Variants in STAU2 observed in about 807,000 individuals in gnomAD.
The protein encoded by STAU2 is double-stranded RNA-binding protein Staufen homolog 2.
Under a neutral mutation model 65.9 loss-of-function variants are expected in STAU2, and 20 were observed. The observed-to-expected ratio is 0.30, with a 90% CI of 0.21 to 0.44. The LOEUF (loss-of-function observed/expected upper bound fraction) is 0.44, where lower values mean the gene tolerates loss of function less well. Ranked by LOEUF, STAU2 falls within the 20% of genes least tolerant of loss-of-function variation. The probability of loss-of-function intolerance (pLI) is 1.00; values close to 1 mark genes in which losing one functional copy is unlikely to be tolerated. For missense variants in STAU2, 558 were observed against 683.9 expected (o/e 0.82, Z 2.05); for synonymous variants, 232 against 233.9 (o/e 0.99, Z 0.07).
chr8:73,471,362 T>A (rs1367575186), intron 13 of STAU2, among the ~76,000 whole-genome samples: 2 of 151,404 alleles, frequency 1.3e-5, no homozygotes, highest in Non-Finnish European at 2.9e-5. Context: ...TTTTTATTTT[T>A]TTTTTAGTAA....
intron 6 of STAU2, chr8:73,651,175 G>A (rs1051957885): frequency 9.0e-5 from 99 of 1,101,640 alleles, no homozygotes; most frequent in Middle Eastern, 7.9e-4. Context: ...ATCGGGCCCC[G>A]AGGAGCCCCC....
intron 14 of STAU2, among the ~76,000 whole-genome samples, chr8:73,422,412 G>A (rs1036789379): frequency 1.3e-5 from 2 of 152,054 alleles, no homozygotes; most frequent in East Asian, 1.9e-4. Flanking sequence ...CCAATTAGTA[G>A]GTTAAAACTT....
At chr8:73,687,310 A>AAATTAT (rs1370881654) in intron 5 of STAU2, among the ~76,000 whole-genome samples, 1 of 118,652 alleles carries the variant, frequency 8.4e-6, no homozygotes. Context: ...TTATAAATAT[A>AAATTAT]ATTTATATTT....
chr8:73,600,167 T>C (rs1443630492), intron 10 of STAU2, among the ~76,000 whole-genome samples: 1 of 152,062 alleles, frequency 6.6e-6, no homozygotes, highest in Non-Finnish European at 1.5e-5. Context: ...ACATAAACAA[T>C]GTACAAATGA....
intron 13 of STAU2, among the ~76,000 whole-genome samples, chr8:73,450,820 C>T (rs550632885): frequency 1.1e-4 from 16 of 152,258 alleles, no homozygotes; most frequent in African/African-American, 3.9e-4. Flanking sequence ...GCTGTTTTTG[C>T]TCCAAGCTGA....
rs541475606 is a variant in STAU2 at position 73,746,128 on chromosome 8, T to C, written c.-197+655A>G. Among the ~76,000 whole-genome samples the C allele has an allele frequency of 1.2e-3, 181 of 152,148 alleles. 2 individuals are homozygous for C. The highest frequency in any genetic ancestry group is 3.8e-3 in the African/African-American group (157 of 41,554). On this transcript the variant is annotated intron_variant, in intron 1 of 14. Transcript: ENST00000524300. Reference sequence around the variant, plus strand: ...CAGCCACAGCAGAACTTGCCTGTCATAGGATATATTTTGTCCCCTCGGCCC... The same window carrying C: ...CAGCCACAGCAGAACTTGCCTGTCACAGGATATATTTTGTCCCCTCGGCCC...
chr8:73,723,441 C>T (rs561703077), intron 3 of STAU2, among the ~76,000 whole-genome samples: 1 of 152,278 alleles, frequency 6.6e-6, no homozygotes, highest in East Asian at 1.9e-4. Context: ...TGGCTTAAGT[C>T]TAAAACATTT....
chr8:73,464,596 A>ACG (rs1251758692), intron 13 of STAU2, among the ~76,000 whole-genome samples: 9 of 127,628 alleles, frequency 7.1e-5, no homozygotes, highest in Admixed American at 2.3e-4. Context: ...GCATGTGTGC[A>ACG]CGCGCACACA....
chr8:73,432,225 G>A (rs1425923466), intron 13 of STAU2, among the ~76,000 whole-genome samples: 1 of 152,120 alleles, frequency 6.6e-6, no homozygotes, highest in African/African-American at 2.4e-5. Flanking sequence ...CTCCTCCTGG[G>A]AGCTGATCTA....
At chr8:73,683,135 C>T (rs1302603884) in intron 5 of STAU2, among the ~76,000 whole-genome samples, 2 of 152,028 alleles carry the variant, frequency 1.3e-5, no homozygotes, top group Admixed American at 1.3e-4. Flanking sequence ...CACCCTAATA[C>T]CAAAAACAGG....
intron 3 of STAU2, among the ~76,000 whole-genome samples, chr8:73,737,319 C>T (rs1161261378): frequency 2.0e-5 from 3 of 151,846 alleles, no homozygotes; most frequent in Non-Finnish European, 4.4e-5. Flanking sequence ...TACAGGCACG[C>T]ACCACCATGC....
intron 4 of STAU2, among the ~76,000 whole-genome samples, chr8:73,693,968 A>G (rs894086263): frequency 6.6e-6 from 1 of 152,276 alleles, no homozygotes. Context: ...CAAAAACTGT[A>G]CTTCAAATAT....
At chr8:73,661,954 G>A (rs1816862918) in intron 6 of STAU2, among the ~76,000 whole-genome samples, 1 of 152,130 alleles carries the variant, frequency 6.6e-6, no homozygotes, top group Non-Finnish European at 1.5e-5. Flanking sequence ...AATACCACAT[G>A]GAATTGCTGG....
intron 13 of STAU2, among the ~76,000 whole-genome samples, chr8:73,478,049 T>A (rs1386610027): frequency 2.7e-5 from 4 of 150,524 alleles, no homozygotes; most frequent in Non-Finnish European, 5.9e-5. Context: ...TATATATATT[T>A]TTTTTTGTAG....
chr8:73,671,993 C>A (rs1182687407), intron 6 of STAU2, among the ~76,000 whole-genome samples: 1 of 151,952 alleles, frequency 6.6e-6, no homozygotes, highest in East Asian at 1.9e-4. Flanking sequence ...CCACTGTACT[C>A]CAGCCTGGGT....
intron 13 of STAU2, among the ~76,000 whole-genome samples, chr8:73,506,790 C>T (rs1353659809): frequency 6.6e-6 from 1 of 152,150 alleles, no homozygotes; most frequent in Admixed American, 6.6e-5. Context: ...CTTTAAAAAT[C>T]GGAGTCTATC....
intron 3 of STAU2, among the ~76,000 whole-genome samples, chr8:73,717,079 G>T (rs1821300992): frequency 6.6e-6 from 1 of 151,936 alleles, no homozygotes; most frequent in Non-Finnish European, 1.5e-5. Flanking sequence ...TCCAGCCTGG[G>T]GAACAGAGCA....
chr8:73,613,000 T>C (rs1163619920), intron 9 of STAU2, among the ~76,000 whole-genome samples: 1 of 152,268 alleles, frequency 6.6e-6, no homozygotes, highest in Non-Finnish European at 1.5e-5. Flanking sequence ...CTCTTATTAA[T>C]GTAAATAAAT....
intron 3 of STAU2, chr8:73,732,602 T>C (rs1305952133): frequency 6.6e-6 from 1 of 152,180 alleles, no homozygotes; most frequent in African/African-American, 2.4e-5. Context: ...ATTCTATGGC[T>C]ACAAGAGACA....
Sources: gnomAD v4.1 joint callset for allele counts (sites outside exome capture counted in the v4.1 genomes callset) on GRCh38, gnomAD v4.1.1 for gene constraint, MANE v1.5 for transcripts, NCBI Gene and HGNC (gene_info 2026-07-23, HGNC 2026-07-21) for gene names.